The following MTHFD1L variants were observed in gnomAD, a reference collection of about 807,000 sequenced individuals.
MTHFD1L encodes the protein methylenetetrahydrofolate dehydrogenase (NADP+ dependent) 1 like, also known as monofunctional C1-tetrahydrofolate synthase, mitochondrial.
In MTHFD1L, 81 loss-of-function variants were observed where a neutral mutation model predicts 119.5. That is an observed-to-expected ratio of 0.68 (90% CI 0.57 to 0.82). MTHFD1L has a LOEUF of 0.82. Among genes scored for constraint, MTHFD1L ranks in the 40% least tolerant of loss-of-function variants. The pLI is 0.00. For synonymous variants in MTHFD1L, 430 were observed against 475.2 expected, an observed-to-expected ratio of 0.90 and a Z score of 1.24; for missense variants, 1,125 against 1,253.4, an observed-to-expected ratio of 0.90 and a Z score of 1.55.
intron 7 of MTHFD1L, 131 bp downstream of exon 7, chr6:150,888,112 A>ATGTCTTTAATG: frequency 9.9e-7 from 1 of 1,009,242 alleles, no homozygotes; most frequent in African/African-American, 1.7e-5. Context: ...TATCCATTAA[A>ATGTCTTTAATG]GACATTGAAT....
At chr6:151,041,032 G>T (rs999086789) in intron 26 of MTHFD1L, among the ~76,000 whole-genome samples, 1 of 152,106 alleles carries the variant, frequency 6.6e-6, no homozygotes, top group Non-Finnish European at 1.5e-5. Context: ...GCCCTCAGCC[G>T]AGTTCCTCCT....
chr6:150,955,898 A>G, intron 16 of MTHFD1L, 97 bp from the exon 17 acceptor site: 1 of 1,022,464 alleles, frequency 9.8e-7, no homozygotes, highest in East Asian at 2.4e-5. Flanking sequence ...TTTCTCTTTC[A>G]CCCTCTGCAA....
chr6:150,899,936 A>C, intron 7 of MTHFD1L, among the ~76,000 whole-genome samples: 1 of 151,284 alleles, frequency 6.6e-6, no homozygotes, highest in Non-Finnish European at 1.5e-5. Context: ...GCACCACTGC[A>C]CTCCAGCCTG....
At chr6:150,947,173 C>T (rs1190541675) in intron 15 of MTHFD1L, among the ~76,000 whole-genome samples, 1 of 151,094 alleles carries the variant, frequency 6.6e-6, no homozygotes, top group Non-Finnish European at 1.5e-5. Flanking sequence ...TCTCGGCTCG[C>T]TGCAACCTCC....
chr6:151,033,267 G>A (rs1033662703), intron 24 of MTHFD1L, among the ~76,000 whole-genome samples: 2 of 151,958 alleles, frequency 1.3e-5, no homozygotes, highest in Non-Finnish European at 2.9e-5. Context: ...TTACAGAAGT[G>A]CGCTGCCACA....
Position 151,015,809 on chromosome 6 carries a change from C to T in MTHFD1L, c.2586+116C>T, listed in dbSNP as rs2002445. On this transcript the variant is annotated intron_variant, in intron 24 of 27. Transcript: ENST00000367321. ...AACTAAAGATAGAAGAGTTTAGGCC[C>T]GGTGCAGTGGCTCACGCCTGTAATC... 28 of 1,265,500 alleles carry T rather than the reference C, an allele frequency of 2.2e-5. No homozygotes were observed. The Admixed American group carries it at 3.7e-4, about 17-fold the overall frequency. The allele number at this position is 1,265,500 out of a possible 1,614,324, so 78.4% of individuals were successfully genotyped here.
intron 17 of MTHFD1L, among the ~76,000 whole-genome samples, chr6:150,960,059 A>G (rs1796208837): frequency 6.6e-6 from 1 of 152,204 alleles, no homozygotes; most frequent in African/African-American, 2.4e-5. Context: ...AGCATGGCAA[A>G]GAGCACATTC....
intron 20 of MTHFD1L, among the ~76,000 whole-genome samples, chr6:150,980,501 A>G (rs993308877): frequency 2.0e-5 from 3 of 152,206 alleles, no homozygotes; most frequent in African/African-American, 7.2e-5. Context: ...AAGTAATGTT[A>G]CAAACACCCA....
chr6:151,092,221 G>A (rs186402293), intron 26 of MTHFD1L, among the ~76,000 whole-genome samples: 14 of 152,100 alleles, frequency 9.2e-5, no homozygotes, highest in Non-Finnish European at 1.6e-4. Flanking sequence ...TTTGTAGTTC[G>A]GGTGTGTTAT....
Position 150,981,710 on chromosome 6 carries a change from AC to A in MTHFD1L, c.2125+9653del, listed in dbSNP as rs201609713. Reference sequence around the variant, plus strand: ...TAGGAATGAGTCTGGCTGTGTTCCAACAGATGTTATTATTGGTTCCTAACAT... The same window carrying A: ...TAGGAATGAGTCTGGCTGTGTTCCAAAGATGTTATTATTGGTTCCTAACAT... On this transcript the variant is annotated intron_variant, in intron 20 of 27. Transcript: ENST00000367321. Among the ~76,000 whole-genome samples the A allele has an allele frequency of 4.0e-3, 609 of 152,316 alleles. 7 individuals carry two copies. Among genetic ancestry groups the A allele is most frequent in the African/African-American group, 0.013 (553 of 41,558 alleles).
rs995003382 is a variant in MTHFD1L, at chr6:150,926,311, A to G, written c.1256+16A>G. The G allele has an allele frequency of 2.1e-5, 34 of 1,597,956 alleles. No individual in the cohort carries two copies. Among genetic ancestry groups the G allele is most frequent in the Non-Finnish European group, 2.8e-5 (33 of 1,167,998 alleles). On this transcript the variant is annotated intron_variant, in intron 11 of 27. Coordinates refer to ENST00000367321, the MANE Select transcript of MTHFD1L (RefSeq NM_015440.5). This position sits in a 1 kb window ranked among gnomAD's most constrained non-coding sequence, Gnocchi z 4.3. ...TAGTTGCTGGGTAAGACACCATCTA[A>G]CATCTACTTGATCAAGCAGACATAT...
chr6:150,922,358 A>G (rs545439211), intron 10 of MTHFD1L, 56 bp downstream of exon 10: 53 of 1,413,398 alleles, frequency 3.7e-5, no homozygotes, highest in African/African-American at 7.0e-5. Context: ...CCTTAGCCCT[A>G]GTTAGTCATG....
rs1335982495 is a variant in MTHFD1L at position 150,926,349 on chromosome 6, T to C, written c.1256+54T>C. On this transcript the variant is annotated intron_variant, in intron 11 of 27. Transcript: ENST00000367321. This position sits in a 1 kb window ranked among gnomAD's most constrained non-coding sequence, Gnocchi z 4.3. ...CAAGCAGACATATTTACAAAACTCT[T>C]CCCTATTTATCTCTCTCCTCGTACC... 3 of 1,485,894 alleles carry C rather than the reference T, an allele frequency of 2.0e-6. No individual in the cohort carries two copies. Among genetic ancestry groups the C allele is most frequent in the Non-Finnish European group, 2.8e-6 (3 of 1,079,892 alleles). 92.0% of individuals were successfully genotyped at this position (1,485,894 alleles called of 1,614,324 possible). A position where few individuals can be genotyped will look rare whatever the true frequency, so the allele number is the denominator to read the frequency against.
Position 150,972,037 on chromosome 6 carries a change from G to A in MTHFD1L, c.2104G>A (p.Val702Ile), listed in dbSNP as rs150253908. 3.3e-5 allele frequency: 53 copies of A among 1,613,970 alleles called. No individual in the cohort carries two copies. Among genetic ancestry groups the A allele is most frequent in the Non-Finnish European group, 3.9e-5 (46 of 1,179,992 alleles). Residue 702 changes from valine to isoleucine, a missense_variant, in exon 20 of 28, where the codon GTT (valine) becomes ATT (isoleucine). Val to Ile is a conservative substitution (Grantham distance 29). Around this residue, in one of 3 missense-constraint regions of MTHFD1L, gnomAD observed 1,058 missense variants for 1,151.2 expected, o/e 0.92. Coordinates refer to ENST00000367321, the MANE Select transcript of MTHFD1L (RefSeq NM_015440.5). ...VLADKIALKLVGEEGFVVTEA... is the reference protein window; with the variant it reads ...VLADKIALKLIGEEGFVVTEA... ...GGCTGATAAAATTGCCCTGAAACTG[G>A]TTGGTGAAGAAGGATTTGTAGGTAA...
At position 150,917,634 on chromosome 6, in the gene MTHFD1L, C is replaced by T. The variant is rs77070095; in HGVS notation, c.893-943C>T. Among the ~76,000 whole-genome samples the T allele has an allele frequency of 1.6e-3, 244 of 152,236 alleles. 1 individual carries two copies. Among genetic ancestry groups the T allele is most frequent in the African/African-American group, 5.5e-3 (230 of 41,540 alleles). ...TATATCCCTGTTCCTTTCTTCTGAG[C>T]CTTACTTTCATGTTAATAGTTTAAA... On this transcript the variant is annotated intron_variant, in intron 8 of 27. Coordinates refer to ENST00000367321, the MANE Select transcript of MTHFD1L (RefSeq NM_015440.5).
intron 26 of MTHFD1L, among the ~76,000 whole-genome samples, chr6:151,070,653 G>A (rs529432337): frequency 1.9e-4 from 29 of 152,112 alleles, no homozygotes; most frequent in Non-Finnish European, 3.1e-4. Flanking sequence ...AAAACCAGCC[G>A]TACTCAATAT....
chr6:151,096,863 A>G (rs182228025), intron 27 of MTHFD1L, among the ~76,000 whole-genome samples: 1 of 152,330 alleles, frequency 6.6e-6, no homozygotes, highest in East Asian at 1.9e-4. Context: ...TGAACATTAT[A>G]TGCCAAAAAA....
At position 150,964,609 on chromosome 6, in the gene MTHFD1L, G is replaced by C. The variant is rs1449730319; in HGVS notation, c.1945-360G>C. 2.0e-5 allele frequency among the ~76,000 whole-genome samples: 3 copies of C among 152,158 alleles called. No homozygotes were observed. The East Asian group carries it at 5.8e-4, about 29-fold the overall frequency. On this transcript the variant is annotated intron_variant, in intron 18 of 27. Transcript: ENST00000367321. ...TTCTTCACCTTATTTCTTTGAGCAA[G>C]AGTAAAGCCTCTGATTATGAAAATA...
intron 2 of MTHFD1L, 126 bp from the exon 3 acceptor site, chr6:150,877,507 GT>G: frequency 1.9e-6 from 2 of 1,043,718 alleles, no homozygotes; most frequent in Non-Finnish European, 2.8e-6. Context: ...CAGCAAGATT[GT>G]TTTTCTGCAC....
Sources: gnomAD v4.1 joint callset for allele counts (sites outside exome capture counted in the v4.1 genomes callset) on GRCh38, gnomAD v4.1.1 for gene constraint, gnomAD v4.1.1 regional missense constraint, Gnocchi (gnomAD v3.1) non-coding constraint, MANE v1.5 for transcripts, NCBI Gene and HGNC (gene_info 2026-07-23, HGNC 2026-07-21) for gene names.